Variants in PLSCR1 observed in about 807,000 individuals in gnomAD.
PLSCR1 encodes the protein phospholipid scramblase 1.
PLSCR1 carries 17 observed loss-of-function variants against 37.8 expected under a neutral mutation model. That is an observed-to-expected ratio of 0.45 (90% CI 0.31 to 0.68). The LOEUF (loss-of-function observed/expected upper bound fraction) is 0.68, where lower values mean the gene tolerates loss of function less well. Among genes scored for constraint, PLSCR1 ranks in the 30% least tolerant of loss-of-function variants. The probability of loss-of-function intolerance (pLI) is 0.06; values close to 1 mark genes in which losing one functional copy is unlikely to be tolerated. For missense variants in PLSCR1, 347 were observed against 380.9 expected, an observed-to-expected ratio of 0.91 and a Z score of 0.74; for synonymous variants, 116 against 125.9, an observed-to-expected ratio of 0.92 and a Z score of 0.53.
chr3:146,523,223 A>C (rs1438335650), intron 5 of PLSCR1, among the ~76,000 whole-genome samples: 7 of 152,218 alleles, frequency 4.6e-5, no homozygotes, highest in Non-Finnish European at 8.8e-5. Flanking sequence ...GGGGCAACCC[A>C]TCCCTTCATT....
rs112921527 is a variant in PLSCR1, at chr3:146,522,092, T to A, written c.356-39A>T. 1.2e-4 allele frequency: 131 copies of A among 1,106,208 alleles called. No homozygotes were observed. In the African/African-American group the frequency reaches 1.8e-3, roughly 15 times the overall value. 68.5% of individuals were successfully genotyped at this position (1,106,208 alleles called of 1,614,324 possible). A position where few individuals can be genotyped will look rare whatever the true frequency, so the allele number is the denominator to read the frequency against. On this transcript the variant is annotated intron_variant, in intron 5 of 8. Coordinates refer to ENST00000342435, the MANE Select transcript of PLSCR1 (RefSeq NM_021105.3). ...AGACGAAATCATAATCACCTCTATG[T>A]TAAAAATATTGAATTTATCCAGATA...
At chr3:146,537,351 T>C (rs1453062861) in intron 1 of PLSCR1, among the ~76,000 whole-genome samples, 1 of 152,178 alleles carries the variant, frequency 6.6e-6, no homozygotes, top group Non-Finnish European at 1.5e-5. Flanking sequence ...TTCATCCCTT[T>C]TAGCGACAAT....
chr3:146,527,345 T>C (rs896247127), intron 4 of PLSCR1, among the ~76,000 whole-genome samples: 1 of 152,220 alleles, frequency 6.6e-6, no homozygotes, highest in Non-Finnish European at 1.5e-5. Flanking sequence ...TGGAATGTTC[T>C]CAACACTAAG....
chr3:146,521,778 G>C, intron 6 of PLSCR1, 55 bp downstream of exon 6: 1 of 1,569,780 alleles, frequency 6.4e-7, no homozygotes, highest in Non-Finnish European at 8.8e-7. Flanking sequence ...TCAATGACAG[G>C]GCAGAAATTC....
At chr3:146,535,000 C>T (rs993112579) in intron 2 of PLSCR1, among the ~76,000 whole-genome samples, 1 of 152,076 alleles carries the variant, frequency 6.6e-6, no homozygotes, top group African/African-American at 2.4e-5. Context: ...TGAAACTCCC[C>T]ATCATTCTTT....
rs560936116 is a variant in PLSCR1 at position 146,519,238 on chromosome 3, T to C, written c.739-2071A>G. ...CTCCAGTGTCTATACTCTTGACCAT[T>C]AGGATTGTCTGCTTTTTAAAAACAT... On this transcript the variant is annotated intron_variant, in intron 7 of 8. Transcript: ENST00000342435. 1.3e-4 allele frequency among the ~76,000 whole-genome samples: 20 copies of C among 152,260 alleles called. No individual in the cohort carries two copies. The South Asian group carries it at 3.9e-3, about 30-fold the overall frequency.
chr3:146,531,648 AAT>A (rs2044200479), intron 3 of PLSCR1, among the ~76,000 whole-genome samples: 1 of 152,224 alleles, frequency 6.6e-6, no homozygotes, highest in African/African-American at 2.4e-5. Context: ...AAATATTTTA[AAT>A]ATGTTAGCAA....
intron 2 of PLSCR1, among the ~76,000 whole-genome samples, chr3:146,534,965 T>C (rs1243293263): frequency 6.6e-6 from 1 of 152,176 alleles, no homozygotes; most frequent in Admixed American, 6.5e-5. Flanking sequence ...ACATACCTTG[T>C]GATTTGTGAA....
chr3:146,532,565 G>A (rs992878957), intron 3 of PLSCR1, among the ~76,000 whole-genome samples: 7 of 152,176 alleles, frequency 4.6e-5, no homozygotes, highest in East Asian at 1.9e-4. Context: ...TGAGATCCGG[G>A]ACCCGCAGGG....
chr3:146,538,307 T>C (rs1029652066), intron 1 of PLSCR1, among the ~76,000 whole-genome samples: 1 of 152,218 alleles, frequency 6.6e-6, no homozygotes, highest in African/African-American at 2.4e-5. Context: ...AAGACTAAAT[T>C]CATACATAAG....
rs777063131 is a variant in PLSCR1 at position 146,516,990 on chromosome 3, A to G, written c.900+16T>C. On this transcript the variant is annotated intron_variant, in intron 8 of 8. Transcript: ENST00000342435. ...GAGAAAGCATCTATAATCAAGATTA[A>G]TAAGAACAGACTTACAATGAGGAAA... 5.4e-5 allele frequency: 80 copies of G among 1,492,764 alleles called. No homozygotes were observed. The highest frequency in any genetic ancestry group is 1.7e-4 in the Middle Eastern group (1 of 5,850). 92.5% of individuals were successfully genotyped at this position (1,492,764 alleles called of 1,614,324 possible).
At chr3:146,541,505 C>T (rs1438539462) in intron 1 of PLSCR1, among the ~76,000 whole-genome samples, 1 of 152,206 alleles carries the variant, frequency 6.6e-6, no homozygotes, top group Non-Finnish European at 1.5e-5. Context: ...AAATGTGATA[C>T]AGCTTGCTAA....
At chr3:146,525,698 T>G (rs1165830035) in intron 4 of PLSCR1, 51 bp from the exon 5 acceptor site, 6 of 826,740 alleles carry the variant, frequency 7.3e-6, no homozygotes, top group Non-Finnish European at 1.2e-5. Flanking sequence ...TGAAGGTTTT[T>G]ATAAGCTAAC....
At chr3:146,531,643 T>C (rs1287084235) in intron 3 of PLSCR1, among the ~76,000 whole-genome samples, 1 of 152,238 alleles carries the variant, frequency 6.6e-6, no homozygotes, top group Non-Finnish European at 1.5e-5. Context: ...ATTTAAAATA[T>C]TTTAAATATG....
chr3:146,540,192 C>G (rs1047754276), intron 1 of PLSCR1, among the ~76,000 whole-genome samples: 2 of 152,204 alleles, frequency 1.3e-5, no homozygotes, highest in African/African-American at 4.8e-5. Flanking sequence ...TATATTGTAC[C>G]ATTGGAATAA....
At position 146,522,067 on chromosome 3, in the gene PLSCR1, AGAC is replaced by A. The variant is rs756869262; in HGVS notation, c.356-17_356-15del. On this transcript the variant is annotated splice_polypyrimidine_tract_variant and intron_variant, in intron 5 of 8. Transcript: ENST00000342435. The stretch of plus-strand genomic sequence containing the variant: ...AACCTGTTAAAACTAAAAACATAAA[AGAC>A]GAAATCATAATCACCTCTATGTTAA... 7.4e-7 allele frequency: 1 copy of A among 1,357,856 alleles called. No homozygotes were observed. The highest frequency in any genetic ancestry group is 1.2e-5 in the South Asian group (1 of 85,898). The allele number at this position is 1,357,856 out of a possible 1,614,324, so 84.1% of individuals were successfully genotyped here.
intron 5 of PLSCR1, among the ~76,000 whole-genome samples, chr3:146,523,105 T>G (rs908364716): frequency 2.0e-5 from 3 of 152,214 alleles, no homozygotes; most frequent in African/African-American, 7.2e-5. Flanking sequence ...CTCCGTATGC[T>G]GAATGCCAGT....
chr3:146,532,443 T>C (rs1013148606), intron 3 of PLSCR1, among the ~76,000 whole-genome samples: 26 of 152,356 alleles, frequency 1.7e-4, no homozygotes, highest in African/African-American at 6.0e-4. Context: ...TGCACTACTA[T>C]TTTTAAGTGC....
Position 146,533,567 on chromosome 3 carries a change from G to A in PLSCR1, c.14-17C>T, listed in dbSNP as rs1201701627. On this transcript the variant is annotated splice_polypyrimidine_tract_variant and intron_variant, in intron 2 of 8. Transcript: ENST00000342435. ...TCTGTGAGTCTGCAATTCAAGGAGAGGTAAATAGATGTCTGATTAAATAAA... is the reference window on the plus strand; with the variant it reads ...TCTGTGAGTCTGCAATTCAAGGAGAAGTAAATAGATGTCTGATTAAATAAA... 2.0e-6 allele frequency: 3 copies of A among 1,491,062 alleles called. No individual in the cohort carries two copies. Among genetic ancestry groups the A allele is most frequent in the Admixed American group, 1.7e-5 (1 of 59,628 alleles). 92.4% of individuals were successfully genotyped at this position (1,491,062 alleles called of 1,614,324 possible). A position where few individuals can be genotyped will look rare whatever the true frequency, so the allele number is the denominator to read the frequency against.
Sources: gnomAD v4.1 joint callset for allele counts (sites outside exome capture counted in the v4.1 genomes callset) on GRCh38, gnomAD v4.1.1 for gene constraint, MANE v1.5 for transcripts, NCBI Gene and HGNC (gene_info 2026-07-23, HGNC 2026-07-21) for gene names.